Variants in SHOC1 observed in about 807,000 individuals in gnomAD.
SHOC1 encodes the protein protein shortage in chiasmata 1 ortholog.
Under a neutral mutation model 179.2 loss-of-function variants are expected in SHOC1, and 136 were observed. The ratio of observed to expected loss-of-function variants is 0.76; its 90% confidence interval spans 0.66 to 0.87. The LOEUF (loss-of-function observed/expected upper bound fraction) is 0.87, where lower values mean the gene tolerates loss of function less well. SHOC1 is among the 40% of genes least tolerant of loss of function. SHOC1 has a pLI of 0.00. For missense variants in SHOC1, 1,538 were observed against 1,700.8 expected, an observed-to-expected ratio of 0.90 and a Z score of 1.68; for synonymous variants, 489 against 586.6, an observed-to-expected ratio of 0.83 and a Z score of 2.41.
At position 111,706,607 on chromosome 9, in the gene SHOC1, T is replaced by G; in HGVS notation, c.2698A>C (p.Met900Leu). The change falls in exon 20 of 28, where the codon ATG becomes CTG. Residue 900 changes from methionine to leucine, a missense_variant. Transcript: ENST00000682961. ...KHCKELNIPY[M>L]AFKVILPDTV... The stretch of plus-strand genomic sequence containing the variant: ...TCTGGAAGAATCACTTTAAAGGCCA[T>G]GTAAGGAATATTCAACTCTTTGCAG... The G allele has an allele frequency of 6.3e-7, 1 of 1,597,600 alleles. No homozygotes were observed. The highest frequency in any genetic ancestry group is 8.5e-7 in the Non-Finnish European group (1 of 1,172,018).
chr9:111,700,556 G>A (rs1831922064), intron 23 of SHOC1, among the ~76,000 whole-genome samples: 1 of 150,906 alleles, frequency 6.6e-6, no homozygotes, highest in South Asian at 2.1e-4. Flanking sequence ...CCCACTTTAT[G>A]TACCCTAAGC....
rs372559496 is a variant in SHOC1, at chr9:111,700,051, C to T, written c.3090-4G>A. On this transcript the variant is annotated splice_region_variant and splice_polypyrimidine_tract_variant and intron_variant, in intron 23 of 27. Transcript: ENST00000682961. ...TGTCTTTTCTGTAAGCAGATACCTACAAAGAATTATATTACTATATTTCTA... is the reference window on the plus strand; with the variant it reads ...TGTCTTTTCTGTAAGCAGATACCTATAAAGAATTATATTACTATATTTCTA... 3.0e-5 allele frequency: 42 copies of T among 1,423,464 alleles called. No individual in the cohort carries two copies. The highest frequency in any genetic ancestry group is 4.0e-5 in the Non-Finnish European group (41 of 1,017,962). The allele number at this position is 1,423,464 out of a possible 1,614,324, so 88.2% of individuals were successfully genotyped here. A position where few individuals can be genotyped will look rare whatever the true frequency, so the allele number is the denominator to read the frequency against.
intron 13 of SHOC1, among the ~76,000 whole-genome samples, chr9:111,725,501 T>G (rs1221068393): frequency 6.6e-6 from 1 of 152,070 alleles, no homozygotes; most frequent in Non-Finnish European, 1.5e-5. Context: ...GATACCCCAC[T>G]GGGTCCAGGG....
intron 3 of SHOC1, among the ~76,000 whole-genome samples, chr9:111,782,099 C>A (rs1326363351): frequency 6.6e-6 from 1 of 152,188 alleles, no homozygotes; most frequent in Non-Finnish European, 1.5e-5. Context: ...GTAGTCCCAG[C>A]TCCTGGGGAT....
intron 12 of SHOC1, among the ~76,000 whole-genome samples, chr9:111,730,853 T>C (rs1458026448): frequency 6.6e-6 from 1 of 152,234 alleles, no homozygotes; most frequent in South Asian, 2.1e-4. Context: ...GATAACACTT[T>C]CTTCAAATAG....
chr9:111,723,740 G>A, intron 14 of SHOC1, 52 bp downstream of exon 14: 1 of 1,568,668 alleles, frequency 6.4e-7, no homozygotes, highest in Non-Finnish European at 8.7e-7. Flanking sequence ...ATCTAGGAAA[G>A]GACTTTCAAA....
At chr9:111,715,557 C>G (rs1053383374) in intron 16 of SHOC1, among the ~76,000 whole-genome samples, 1 of 152,050 alleles carries the variant, frequency 6.6e-6, no homozygotes, top group Non-Finnish European at 1.5e-5. Context: ...CCCTGAAATT[C>G]TTTTGTGTAG....
chr9:111,762,864 C>T (rs1293146634), intron 5 of SHOC1, among the ~76,000 whole-genome samples: 5 of 150,670 alleles, frequency 3.3e-5, no homozygotes, highest in Admixed American at 3.3e-4. Flanking sequence ...TCAGTATAGT[C>T]AGACAAAAAA....
Position 111,691,811 on chromosome 9 carries a change from T to A in SHOC1, c.4166A>T (p.Gln1389Leu), listed in dbSNP as rs1201381664. The part of the protein sequence containing the change: ...QQTACNKLYS[Q>L]KGNLFTDQQK... ...CTGATCAGTGAATAAATTACCTTTC[T>A]GAGAGTACAATTTGTTACATGCAGT... The change falls in exon 27 of 28, where the codon CAG becomes CTG. Residue 1389 changes from glutamine (Q) to leucine (L), a missense_variant. Transcript: ENST00000682961. The A allele has an allele frequency of 6.2e-7, 1 of 1,613,838 alleles. No homozygotes were observed. The highest frequency in any genetic ancestry group is 1.1e-5 in the South Asian group (1 of 91,076).
intron 13 of SHOC1, 72 bp downstream of exon 13, chr9:111,727,561 C>G: frequency 7.7e-7 from 1 of 1,300,134 alleles, no homozygotes; most frequent in African/African-American, 1.5e-5. Context: ...ATCTCCTTGC[C>G]TTCTATAATA....
intron 24 of SHOC1, among the ~76,000 whole-genome samples, chr9:111,695,304 T>C (rs1441104359): frequency 6.6e-6 from 1 of 152,148 alleles, no homozygotes; most frequent in South Asian, 2.1e-4. Context: ...TTTTCTTTTA[T>C]AAGAATAGCA....
chr9:111,743,144 C>T (rs1264937956), intron 10 of SHOC1, among the ~76,000 whole-genome samples: 1 of 152,054 alleles, frequency 6.6e-6, no homozygotes, highest in Non-Finnish European at 1.5e-5. Context: ...AAATGTTGTG[C>T]TCTGAAATAA....
chr9:111,711,000 A>G (rs1564116537), intron 18 of SHOC1, among the ~76,000 whole-genome samples: 1 of 152,144 alleles, frequency 6.6e-6, no homozygotes, highest in Non-Finnish European at 1.5e-5. Context: ...TTAAGACTGA[A>G]GGGCTTAAAC....
intron 16 of SHOC1, among the ~76,000 whole-genome samples, chr9:111,717,727 G>A (rs1273877322): frequency 6.6e-6 from 1 of 151,826 alleles, no homozygotes; most frequent in East Asian, 1.9e-4. Flanking sequence ...GTTCAAAATA[G>A]TTTGATTTTA....
At chr9:111,783,085 T>C (rs1836133712) in intron 3 of SHOC1, among the ~76,000 whole-genome samples, 1 of 152,194 alleles carries the variant, frequency 6.6e-6, no homozygotes, top group African/African-American at 2.4e-5. Flanking sequence ...ATTGTTTCCA[T>C]TGGCAAACAT....
rs138559427 is a variant in SHOC1, at chr9:111,708,148, T to C, written c.2489-224A>G. Among the ~76,000 whole-genome samples the C allele has an allele frequency of 3.1e-3, 467 of 152,010 alleles. 5 individuals carry two copies. The highest frequency in any genetic ancestry group is 3.6e-3 in the Non-Finnish European group (246 of 67,962). On this transcript the variant is annotated intron_variant, in intron 18 of 27. Coordinates refer to ENST00000682961, the MANE Select transcript of SHOC1 (RefSeq NM_001378211.1). ...ATATAGAGCATGGAAATTCTAAATT[T>C]ATTATATAAAATAATAAAATTGATT...
chr9:111,769,991 T>TTTTTTTTTTTTTTG (rs1835527370), intron 5 of SHOC1, among the ~76,000 whole-genome samples: 8 of 142,926 alleles, frequency 5.6e-5, no homozygotes, highest in Non-Finnish European at 7.7e-5. Flanking sequence ...TTTTTGTTTT[T>TTTTTTTTTTTTTTG]TTTTTTTTTT....
rs1831483091 is a variant in SHOC1, at chr9:111,692,333, A to T, written c.3644T>A (p.Leu1215Ter). Reference sequence around the variant, plus strand: ...TTTGTCTTCCTGCACTGTCTCTCCTAATCCTAAATACTGATAATATTCATT... The same window carrying T: ...TTTGTCTTCCTGCACTGTCTCTCCTTATCCTAAATACTGATAATATTCATT... The part of the protein sequence containing the change: ...EHNEYYQYLG[L>*]GETVQEDKTT... The change falls in exon 27 of 28, where the codon TTA (leucine) becomes TAA (stop). Residue 1215 changes from leucine to a stop codon, truncating the protein, a stop_gained. Transcript: ENST00000682961. LOFTEE classifies it high-confidence loss of function. The T allele has an allele frequency of 1.2e-6, 2 of 1,611,652 alleles. No homozygotes were observed. Among genetic ancestry groups the T allele is most frequent in the African/African-American group, 2.7e-5 (2 of 74,872 alleles).
chr9:111,775,465 T>C (rs1420186964), intron 5 of SHOC1, among the ~76,000 whole-genome samples: 1 of 152,206 alleles, frequency 6.6e-6, no homozygotes, highest in Non-Finnish European at 1.5e-5. Context: ...CTTCATAATA[T>C]AGTAATTTAA....
Sources: gnomAD v4.1 joint callset for allele counts (sites outside exome capture counted in the v4.1 genomes callset) on GRCh38, gnomAD v4.1.1 for gene constraint, MANE v1.5 for transcripts, NCBI Gene and HGNC (gene_info 2026-07-23, HGNC 2026-07-21) for gene names.